CELF2: variants seen among roughly 807,000 people sequenced by gnomAD.
CELF2 encodes the protein CUG triplet repeat RNA-binding protein 2.
Under a neutral mutation model 62.6 loss-of-function variants are expected in CELF2, and 8 were observed. That is an observed-to-expected ratio of 0.13 (90% CI 0.07 to 0.23). CELF2 has a LOEUF of 0.23. Ranked by LOEUF, CELF2 falls within the 10% of genes least tolerant of loss-of-function variation. CELF2 has a pLI of 1.00. For synonymous variants in CELF2, 258 were observed against 250.0 expected (o/e 1.03, Z -0.30); for missense variants, 333 against 671.0 (o/e 0.50, Z 5.56).
chr10:10,482,025 G>T, the CELF2 span, among the ~76,000 whole-genome samples: 2 of 152,290 alleles, frequency 1.3e-5, no homozygotes, highest in Admixed American at 1.3e-4. Flanking sequence ...ATCTTTTTAA[G>T]CAGATATAAG....
intron 2 of CELF2, among the ~76,000 whole-genome samples, chr10:10,943,769 T>G (rs113798641): frequency 2.2e-5 from 2 of 92,142 alleles, no homozygotes; most frequent in Admixed American, 9.6e-5. Context: ...CAGCTTTTTT[T>G]TTGTTTTGTT....
chr10:11,129,821 C>A (rs1328398898), intron 1 of CELF2, among the ~76,000 whole-genome samples: 1 of 152,170 alleles, frequency 6.6e-6, no homozygotes, highest in African/African-American at 2.4e-5. Context: ...TTTCAAAAAA[C>A]CAGCTCCTGG....
chr10:10,919,895 T>C, intron 1 of CELF2: 1 of 1,026,916 alleles, frequency 9.7e-7, no homozygotes, highest in Non-Finnish European at 1.2e-6. Context: ...TATTATGTGA[T>C]TAAATACATT....
intron 5 of CELF2, among the ~76,000 whole-genome samples, chr10:11,259,705 G>GGGGCTCAAA (rs2137974067): frequency 6.6e-6 from 1 of 152,246 alleles, no homozygotes; most frequent in Non-Finnish European, 1.5e-5. Flanking sequence ...AGGGATACTA[G>GGGGCTCAAA]CATGCCTTCC....
intron 2 of CELF2, among the ~76,000 whole-genome samples, chr10:10,980,015 A>C (rs1564303146): frequency 6.6e-6 from 1 of 152,228 alleles, no homozygotes; most frequent in East Asian, 1.9e-4. Flanking sequence ...AAAGGTGAGG[A>C]AGAAGGCAGC....
intron 2 of CELF2, among the ~76,000 whole-genome samples, chr10:11,202,921 C>G (rs376921166): frequency 0.047 from 4,113 of 86,888 alleles, 137 homozygotes; most frequent in African/African-American, 0.086. Flanking sequence ...CTCTCTCTCT[C>G]TCTCTCTCTC....
the CELF2 span, among the ~76,000 whole-genome samples, chr10:10,470,237 A>G: frequency 6.6e-6 from 1 of 151,878 alleles, no homozygotes; most frequent in Non-Finnish European, 1.5e-5. Context: ...TAGTATCTCT[A>G]CCGTCATCCT....
At chr10:10,742,111 G>A in the CELF2 span, among the ~76,000 whole-genome samples, 4 of 152,076 alleles carry the variant, frequency 2.6e-5, no homozygotes, top group Non-Finnish European at 5.9e-5. Flanking sequence ...TAAGGTAATT[G>A]ATAGGTTCTT....
intron 1 of CELF2, among the ~76,000 whole-genome samples, chr10:11,152,395 C>T (rs993623068): frequency 1.3e-5 from 2 of 151,470 alleles, no homozygotes; most frequent in African/African-American, 4.9e-5. Flanking sequence ...AGTAGGTTCT[C>T]AGGAAACAGT....
At chr10:11,163,799 G>T (rs565483013) in intron 1 of CELF2, among the ~76,000 whole-genome samples, 1 of 152,300 alleles carries the variant, frequency 6.6e-6, no homozygotes, top group East Asian at 1.9e-4. Context: ...TTCCTCTCTA[G>T]GTTGAATCTC....
At chr10:10,605,709 T>C in the CELF2 span, among the ~76,000 whole-genome samples, 42,923 of 152,082 alleles carry the variant, frequency 0.28, 6,423 homozygotes, top group South Asian at 0.51. Context: ...ATCATGTGTG[T>C]TTGCGCAAAT....
chr10:11,147,016 G>A (rs2062402772), intron 1 of CELF2, among the ~76,000 whole-genome samples: 1 of 152,174 alleles, frequency 6.6e-6, no homozygotes, highest in South Asian at 2.1e-4. Flanking sequence ...AAAAATTACT[G>A]GAAGTCATTA....
At chr10:11,134,891 T>C (rs2060190783) in intron 1 of CELF2, among the ~76,000 whole-genome samples, 1 of 152,214 alleles carries the variant, frequency 6.6e-6, no homozygotes, top group Non-Finnish European at 1.5e-5. Context: ...TGAAACACTT[T>C]TCTTTTCTGT....
chr10:10,810,503 C>T (rs2055746421), intron 1 of CELF2, among the ~76,000 whole-genome samples: 1 of 152,080 alleles, frequency 6.6e-6, no homozygotes, highest in Non-Finnish European at 1.5e-5. Flanking sequence ...CCAATGGGGG[C>T]AGCTGGCCTC....
chr10:10,772,199 G>A, the CELF2 span, among the ~76,000 whole-genome samples: 224 of 152,220 alleles, frequency 1.5e-3, no homozygotes, highest in Non-Finnish European at 2.7e-3. Flanking sequence ...ACTGTTCTGA[G>A]GATCTGTTTT....
chr10:10,891,063 T>C (rs149433851), intron 1 of CELF2, among the ~76,000 whole-genome samples: 1 of 152,224 alleles, frequency 6.6e-6, no homozygotes, highest in African/African-American at 2.4e-5. Context: ...CCCAGCCTAG[T>C]AGGGAAGCTG....
chr10:11,059,272 C>T (rs1479574774), intron 1 of CELF2, among the ~76,000 whole-genome samples: 1 of 152,100 alleles, frequency 6.6e-6, no homozygotes, highest in African/African-American at 2.4e-5. Flanking sequence ...GGCTTTTTGA[C>T]TTGATTTGAC....
the CELF2 span, among the ~76,000 whole-genome samples, chr10:10,665,202 G>A: frequency 6.6e-6 from 1 of 152,130 alleles, no homozygotes; most frequent in East Asian, 1.9e-4. Context: ...GTCAAACTGT[G>A]TTCCTAGGGT....
chr10:10,685,787 A>C, the CELF2 span, among the ~76,000 whole-genome samples: 1 of 152,226 alleles, frequency 6.6e-6, no homozygotes, highest in South Asian at 2.1e-4. Context: ...AGCTACTTTC[A>C]TGAGCTAAAT....
Sources: allele counts gnomAD v4.1 joint callset (sites outside exome capture counted in the v4.1 genomes callset), GRCh38; gene constraint gnomAD v4.1.1; transcripts MANE v1.5; gene names NCBI Gene and HGNC (gene_info 2026-07-23, HGNC 2026-07-21).